UGT1A5: variants seen among roughly 807,000 people sequenced by gnomAD.
UGT1A5 encodes UDP glucuronosyltransferase family 1 member A5.
UGT1A5 carries 29 observed loss-of-function variants against 40.3 expected under a neutral mutation model. That is an observed-to-expected ratio of 0.72 (90% CI 0.54 to 0.98). The LOEUF (loss-of-function observed/expected upper bound fraction) is 0.98. Among genes scored for constraint, UGT1A5 ranks in the 50% least tolerant of loss-of-function variants. UGT1A5 has a pLI of 0.00. For missense variants in UGT1A5, 678 were observed against 677.9 expected, an observed-to-expected ratio of 1.00 and a Z score of 0.00; for synonymous variants, 257 against 262.5, an observed-to-expected ratio of 0.98 and a Z score of 0.20.
chr2:233,762,105 C>T (rs879435361), intron 1 of UGT1A5, among the ~76,000 whole-genome samples: 8 of 151,972 alleles, frequency 5.3e-5, no homozygotes, highest in Non-Finnish European at 1.0e-4. Flanking sequence ...GTTGATTGTC[C>T]GCTTCACATC....
intron 4 of UGT1A5, 143 bp downstream of exon 4, chr2:233,768,582 C>CTTTTTTTTTTTTTTTTTTTTTTTTTTT (rs139595073): frequency 1.2e-6 from 1 of 867,188 alleles, no homozygotes; most frequent in Non-Finnish European, 1.4e-6. Flanking sequence ...TTTATTTCTT[C>CTTTTTTTTTTTTTTTTTTTTTTTTTTT]TTTTTTTTTT....
intron 1 of UGT1A5, chr2:233,718,138 CCTCA>C: frequency 1.7e-5 from 4 of 236,468 alleles, no homozygotes; most frequent in South Asian, 5.8e-5. Context: ...GATGGAGAAT[CCTCA>C]ATAAAGCCTT....
intron 1 of UGT1A5, chr2:233,718,981 G>C: frequency 1.9e-6 from 3 of 1,614,238 alleles, no homozygotes; most frequent in Non-Finnish European, 2.5e-6. Flanking sequence ...CTCCATGCCA[G>C]AGGCCACCAG....
At chr2:233,715,057 T>G (rs1032772184) in intron 1 of UGT1A5, among the ~76,000 whole-genome samples, 3 of 152,140 alleles carry the variant, frequency 2.0e-5, no homozygotes, top group African/African-American at 2.4e-5. Context: ...TCTTTTTTTT[T>G]GTATTTTTTA....
At chr2:233,747,164 A>C (rs559745186) in intron 1 of UGT1A5, 19 of 1,590,218 alleles carry the variant, frequency 1.2e-5, no homozygotes, top group Non-Finnish European at 1.6e-5. Context: ...AAACAAATGT[A>C]GGAGGCACAG....
At chr2:233,724,307 C>A (rs2077214825) in intron 1 of UGT1A5, among the ~76,000 whole-genome samples, 1 of 146,936 alleles carries the variant, frequency 6.8e-6, no homozygotes, top group Non-Finnish European at 1.5e-5. Flanking sequence ...CCACCTCCCT[C>A]CCGGACGGGG....
intron 1 of UGT1A5, among the ~76,000 whole-genome samples, chr2:233,737,114 T>A (rs79657348): frequency 0.021 from 3,211 of 152,324 alleles, 101 homozygotes; most frequent in African/African-American, 0.073. Context: ...TCCCCACATG[T>A]TCAGAAGTTG....
chr2:233,738,152 A>C (rs1172003617), intron 1 of UGT1A5, among the ~76,000 whole-genome samples: 1 of 152,050 alleles, frequency 6.6e-6, no homozygotes, highest in Non-Finnish European at 1.5e-5. Flanking sequence ...CTTGCAAGCT[A>C]TTCCTCTTTC....
In UGT1A5 at chr2:233,725,076, A is replaced by G. The variant is rs376662690; in HGVS notation, c.867+11218A>G. ...GCGGCGCGCGCCTGCAATCGCAGGC[A>G]CTCGGCAGGCTGAGGCAGGAGAATC... On this transcript the variant is annotated intron_variant, in intron 1 of 4. Transcript: ENST00000373414. 5.6e-3 allele frequency among the ~76,000 whole-genome samples: 814 copies of G among 144,798 alleles called. 36 individuals carry two copies. Among genetic ancestry groups the G allele is most frequent in the Non-Finnish European group, 8.9e-3 (583 of 65,736 alleles). 95.0% of individuals were successfully genotyped at this position (144,798 alleles called of 152,430 possible).
Position 233,748,513 on chromosome 2 carries a change from T to C in UGT1A5, c.868-18521T>C, listed in dbSNP as rs527780891. Among the ~76,000 whole-genome samples the C allele has an allele frequency of 5.3e-5, 8 of 151,912 alleles. No homozygotes were observed. The South Asian group carries it at 1.7e-3, about 31-fold the overall frequency. The stretch of plus-strand genomic sequence containing the variant: ...TGTGATAATTTTTAGTGGTCCTGTC[T>C]TGCGAATGATAGAGAGGTGACCACA... On this transcript the variant is annotated intron_variant, in intron 1 of 4. Transcript: ENST00000373414.
At chr2:233,716,940 T>A (rs2076534957) in intron 1 of UGT1A5, among the ~76,000 whole-genome samples, 1 of 152,150 alleles carries the variant, frequency 6.6e-6, no homozygotes, top group Non-Finnish European at 1.5e-5. Flanking sequence ...GCTCCTCCTA[T>A]TTCCCAGGCA....
intron 1 of UGT1A5, among the ~76,000 whole-genome samples, chr2:233,761,379 G>A (rs1697758727): frequency 6.6e-6 from 1 of 152,206 alleles, no homozygotes; most frequent in African/African-American, 2.4e-5. Context: ...ATTTTACTCT[G>A]TGTGCTCCAG....
chr2:233,755,908 T>G (rs1323849198), intron 1 of UGT1A5: 1 of 151,610 alleles, frequency 6.6e-6, no homozygotes, highest in African/African-American at 2.4e-5. Flanking sequence ...CAAAATGTAG[T>G]GAGAAGAGTG....
intron 1 of UGT1A5, among the ~76,000 whole-genome samples, chr2:233,761,510 A>C (rs1161669580): frequency 6.6e-6 from 1 of 152,248 alleles, no homozygotes. Flanking sequence ...TCAGTCAGGC[A>C]GGCAATGTTC....
intron 1 of UGT1A5, among the ~76,000 whole-genome samples, chr2:233,766,542 G>T (rs186130827): frequency 4.6e-5 from 7 of 152,298 alleles, no homozygotes; most frequent in African/African-American, 1.7e-4. Context: ...AAACAAAAAT[G>T]CCTGTCCTCA....
In UGT1A5 at chr2:233,715,887, A is replaced by G. The variant is rs537598315; in HGVS notation, c.867+2029A>G. Among the ~76,000 whole-genome samples the G allele has an allele frequency of 2.0e-5, 3 of 152,316 alleles. No homozygotes were observed. In the East Asian group the frequency reaches 5.8e-4, roughly 29 times the overall value. ...GTAGCTTGTGCCTGTGGCCCCAGCT[A>G]CTTGGGAGGCTCAGGTGGGAGGATC... On this transcript the variant is annotated intron_variant, in intron 1 of 4. Coordinates refer to ENST00000373414, the MANE Select transcript of UGT1A5 (RefSeq NM_019078.2).
intron 1 of UGT1A5, chr2:233,755,911 G>A (rs1696063109): frequency 6.6e-6 from 1 of 151,336 alleles, no homozygotes; most frequent in African/African-American, 2.4e-5. Context: ...AATGTAGTGA[G>A]AAGAGTGGCA....
intron 4 of UGT1A5, 143 bp downstream of exon 4, chr2:233,768,582 CTTTTT>C: frequency 1.9e-3 from 1,917 of 1,027,810 alleles, no homozygotes; most frequent in East Asian, 5.4e-3. Flanking sequence ...TTTATTTCTT[CTTTTT>C]TTTTTTTTTT....
At chr2:233,760,844 GCC>G in intron 1 of UGT1A5, 1 of 1,613,986 alleles carries the variant, frequency 6.2e-7, no homozygotes, top group Non-Finnish European at 8.5e-7. Flanking sequence ...GCTACCCAGT[GCC>G]CCAACCCATT....
Sources: gnomAD v4.1 joint callset for allele counts (sites outside exome capture counted in the v4.1 genomes callset) on GRCh38, gnomAD v4.1.1 for gene constraint, MANE v1.5 for transcripts, NCBI Gene and HGNC (gene_info 2026-07-23, HGNC 2026-07-21) for gene names.